UNC5C: variants seen among roughly 807,000 people sequenced by gnomAD.
UNC5C encodes unc-5 netrin receptor C.
Under a neutral mutation model 99.8 loss-of-function variants are expected in UNC5C, and 47 were observed. That is an observed-to-expected ratio of 0.47 (90% CI 0.37 to 0.60). UNC5C has a LOEUF of 0.60. Ranked by LOEUF, UNC5C falls within the 20% of genes least tolerant of loss-of-function variation. The pLI, the probability that UNC5C is intolerant of heterozygous loss-of-function variation, is 0.00. For missense variants in UNC5C, 1,062 were observed against 1,165.9 expected (o/e 0.91, Z 1.30); for synonymous variants, 487 against 452.2 (o/e 1.08, Z -0.98).
chr4:95,170,037 AAAATT>A, intron 15 of UNC5C, 112 bp downstream of exon 15: 3 of 1,382,538 alleles, frequency 2.2e-6, no homozygotes, highest in South Asian at 2.9e-5. Flanking sequence ...TGCAAAATGA[AAAATT>A]AAATAGATGT....
intron 1 of UNC5C, among the ~76,000 whole-genome samples, chr4:95,530,726 CATCTT>C (rs1226926297): frequency 3.3e-5 from 5 of 152,100 alleles, no homozygotes; most frequent in African/African-American, 1.2e-4. Flanking sequence ...GAAGATACAG[CATCTT>C]ATCATATGGC....
chr4:95,482,433 T>C (rs71601277), intron 1 of UNC5C, among the ~76,000 whole-genome samples: 49,984 of 146,914 alleles, frequency 0.34, 8,763 homozygotes, highest in Non-Finnish European at 0.43. Flanking sequence ...AGTTCAACCA[T>C]TGTGGAAGTC....
chr4:95,259,713 T>G lies in UNC5C; in HGVS notation c.595-9046A>C, dbSNP rs77925336. Reference sequence around the variant, plus strand: ...CTAATTCTAAAGTATAAGAAAACATTATCAGTTTTAAAAAAATAAGTAGAA... The same window carrying G: ...CTAATTCTAAAGTATAAGAAAACATGATCAGTTTTAAAAAAATAAGTAGAA... On this transcript the variant is annotated intron_variant, in intron 4 of 15. Coordinates refer to ENST00000453304, the MANE Select transcript of UNC5C (RefSeq NM_003728.4). Among the ~76,000 whole-genome samples the G allele has an allele frequency of 1.2e-3, 186 of 152,216 alleles. 2 individuals are homozygous for G. The East Asian group carries it at 0.02, about 16-fold the overall frequency.
At position 95,301,661 on chromosome 4, in the gene UNC5C, C is replaced by T; in HGVS notation, c.435G>A (p.Val145=). The change falls in exon 3 of 16, where the codon GTG becomes GTA. Residue 145 remains valine, a synonymous_variant. Transcript: ENST00000453304. The part of the protein sequence containing the change: ...FGPEDYWCQC[V]AWSSAGTTKS... ...TTGTGGTACCCGCGGAGCTCCAGGC[C>T]ACACACTGGCACCAGTAATCTTCAG... 6.2e-7 allele frequency: 1 copy of T among 1,613,846 alleles called. No individual in the cohort carries two copies. Among genetic ancestry groups the T allele is most frequent in the Non-Finnish European group, 8.5e-7 (1 of 1,180,028 alleles).
chr4:95,274,943 T>A (rs2149392720), intron 4 of UNC5C, among the ~76,000 whole-genome samples: 1 of 152,108 alleles, frequency 6.6e-6, no homozygotes, highest in South Asian at 2.1e-4. Context: ...TGAGAATTGC[T>A]TGAACCCGGG....
At chr4:95,184,274 C>T (rs1166608104) in intron 13 of UNC5C, among the ~76,000 whole-genome samples, 2 of 152,154 alleles carry the variant, frequency 1.3e-5, no homozygotes, top group Non-Finnish European at 2.9e-5. Flanking sequence ...GAGAATGGAG[C>T]CAGAATGTCT....
At chr4:95,447,246 T>C (rs1368844107) in intron 1 of UNC5C, among the ~76,000 whole-genome samples, 1 of 152,176 alleles carries the variant, frequency 6.6e-6, no homozygotes, top group East Asian at 1.9e-4. Context: ...AAAATGAATA[T>C]CTGAATTAAA....
intron 1 of UNC5C, among the ~76,000 whole-genome samples, chr4:95,443,160 G>T (rs1439235644): frequency 6.6e-6 from 1 of 152,150 alleles, no homozygotes; most frequent in East Asian, 1.9e-4. Flanking sequence ...TAATGTAGGA[G>T]GCTGGATATG....
At chr4:95,518,294 A>G (rs566218147) in intron 1 of UNC5C, among the ~76,000 whole-genome samples, 1 of 152,306 alleles carries the variant, frequency 6.6e-6, no homozygotes, top group African/African-American at 2.4e-5. Flanking sequence ...ATTGAACAAA[A>G]AGATGATCCT....
intron 2 of UNC5C, among the ~76,000 whole-genome samples, chr4:95,330,112 A>G (rs1201835088): frequency 2.6e-5 from 4 of 152,102 alleles, no homozygotes; most frequent in Non-Finnish European, 5.9e-5. Flanking sequence ...AGGTAATGTA[A>G]TAGGTACAAA....
At chr4:95,263,258 C>T (rs760508268) in intron 4 of UNC5C, among the ~76,000 whole-genome samples, 7 of 152,176 alleles carry the variant, frequency 4.6e-5, no homozygotes, top group Non-Finnish European at 1.0e-4. Context: ...TTATAATATA[C>T]ACAGACATGG....
At chr4:95,498,382 C>A (rs1721683717) in intron 1 of UNC5C, among the ~76,000 whole-genome samples, 1 of 151,842 alleles carries the variant, frequency 6.6e-6, no homozygotes, top group South Asian at 2.1e-4. Flanking sequence ...AAGCCATAAG[C>A]AAAGGAAAGC....
At chr4:95,331,615 C>G (rs28449314) in intron 2 of UNC5C, among the ~76,000 whole-genome samples, 2,261 of 152,172 alleles carry the variant, frequency 0.015, 66 homozygotes, top group African/African-American at 0.051. Context: ...CCTAAATCTT[C>G]TCTTAGTTCT....
chr4:95,336,481 G>T (rs1016058305), intron 1 of UNC5C, among the ~76,000 whole-genome samples: 1 of 151,788 alleles, frequency 6.6e-6, no homozygotes, highest in Admixed American at 6.6e-5. Flanking sequence ...TTAAATGTAC[G>T]TATATTCAGT....
chr4:95,354,220 C>T (rs571042008), intron 1 of UNC5C, among the ~76,000 whole-genome samples: 1 of 152,010 alleles, frequency 6.6e-6, no homozygotes, highest in Admixed American at 6.6e-5. Context: ...AAGGTAAGAT[C>T]TGACTAAGTC....
intron 4 of UNC5C, among the ~76,000 whole-genome samples, chr4:95,256,689 G>T (rs1560755800): frequency 1.9e-5 from 2 of 107,840 alleles, no homozygotes; most frequent in African/African-American, 6.2e-5. Flanking sequence ...TAGAGGGACA[G>T]AACTAAATAA....
intron 1 of UNC5C, among the ~76,000 whole-genome samples, chr4:95,496,910 A>C (rs1237932421): frequency 6.6e-6 from 1 of 151,886 alleles, no homozygotes; most frequent in Non-Finnish European, 1.5e-5. Context: ...GCTCCCACTT[A>C]GAAGTGAGAA....
At chr4:95,328,081 A>G (rs62319076) in intron 2 of UNC5C, among the ~76,000 whole-genome samples, 1 of 50,924 alleles carries the variant, frequency 2.0e-5, no homozygotes, top group Non-Finnish European at 4.0e-5. Context: ...TTTTTTTATT[A>G]TACTTTAAGT....
chr4:95,209,645 T>G (rs576714124), intron 10 of UNC5C, among the ~76,000 whole-genome samples: 1 of 152,340 alleles, frequency 6.6e-6, no homozygotes, highest in African/African-American at 2.4e-5. Flanking sequence ...GGGAGCAACT[T>G]GAGACCTCAT....
Sources: allele counts gnomAD v4.1 joint callset (sites outside exome capture counted in the v4.1 genomes callset), GRCh38; gene constraint gnomAD v4.1.1; transcripts MANE v1.5; gene names NCBI Gene and HGNC (gene_info 2026-07-23, HGNC 2026-07-21).